Variants in DOCK9 observed in about 807,000 individuals in gnomAD.
The protein encoded by DOCK9 is dedicator of cytokinesis protein 9.
DOCK9 carries 89 observed loss-of-function variants against 263.3 expected under a neutral mutation model. That is an observed-to-expected ratio of 0.34 (90% CI 0.28 to 0.40). The LOEUF is 0.40. DOCK9 is among the 10% of genes least tolerant of loss of function. The pLI, the probability that DOCK9 is intolerant of heterozygous loss-of-function variation, is 1.00. For missense variants in DOCK9, 2,140 were observed against 2,603.4 expected (o/e 0.82, Z 3.87); for synonymous variants, 976 against 973.1 (o/e 1.00, Z -0.06).
At chr13:98,983,066 C>G (rs1325208016) in intron 1 of DOCK9, among the ~76,000 whole-genome samples, 1 of 152,156 alleles carries the variant, frequency 6.6e-6, no homozygotes, top group Non-Finnish European at 1.5e-5. Flanking sequence ...AAGTTATTTA[C>G]TGTCTTTATT....
rs546326243 is a variant in DOCK9 at position 98,983,626 on chromosome 13, T to G, written c.130-28075A>C. Among the ~76,000 whole-genome samples the G allele has an allele frequency of 8.3e-4, 126 of 151,596 alleles. 1 individual carries two copies. The East Asian group carries it at 0.022, about 27-fold the overall frequency. ...CTCCTCAATTATTATTATTATTATTTTTTTTTTTGAGATGGAGTCTCACTC... is the reference window on the plus strand; with the variant it reads ...CTCCTCAATTATTATTATTATTATTGTTTTTTTTGAGATGGAGTCTCACTC... On this transcript the variant is annotated intron_variant, in intron 1 of 32. Transcript: ENST00000427887.
intron 1 of DOCK9, among the ~76,000 whole-genome samples, chr13:99,039,286 G>T: frequency 6.6e-6 from 1 of 151,868 alleles, no homozygotes; most frequent in Non-Finnish European, 1.5e-5. Flanking sequence ...TGGCATTCCA[G>T]CTCACAAAAT....
At chr13:98,990,476 G>A (rs1039494881) in intron 1 of DOCK9, among the ~76,000 whole-genome samples, 1 of 152,142 alleles carries the variant, frequency 6.6e-6, no homozygotes, top group East Asian at 1.9e-4. Context: ...TAAATAACAC[G>A]TTCCCCAACA....
intron 3 of DOCK9, among the ~76,000 whole-genome samples, chr13:98,927,036 TGCCAGGCTCTACAATAA>T (rs1436982947): frequency 2.0e-5 from 3 of 152,254 alleles, no homozygotes; most frequent in Non-Finnish European, 4.4e-5. Context: ...GCTTATTTTG[TGCCAGGCTCTACAATAA>T]GCACTTTACT....
chr13:98,991,078 C>CT (rs35085681), intron 1 of DOCK9, among the ~76,000 whole-genome samples: 74,638 of 148,194 alleles, frequency 0.5, 18,741 homozygotes, highest in East Asian at 0.64. Flanking sequence ...CAAGTAATTT[C>CT]TTTTTTTTTT....
chr13:99,041,123 TGG>T (rs1888414728), intron 1 of DOCK9, among the ~76,000 whole-genome samples: 1 of 152,072 alleles, frequency 6.6e-6, no homozygotes, highest in Non-Finnish European at 1.5e-5. Context: ...AGCAGGACAG[TGG>T]GTAGAAATAA....
chr13:98,827,002 C>G (rs2092569974), intron 43 of DOCK9, 115 bp from the exon 44 acceptor site: 6 of 677,106 alleles, frequency 8.9e-6, no homozygotes, highest in Non-Finnish European at 1.4e-5. Flanking sequence ...CTCAATGCAC[C>G]AGCTAGTATT....
chr13:98,835,733 C>CTTTT (rs142745340), intron 39 of DOCK9, among the ~76,000 whole-genome samples: 2 of 79,408 alleles, frequency 2.5e-5, no homozygotes, highest in South Asian at 5.5e-4. Context: ...CTTTACAACT[C>CTTTT]TTTTTTTTTT....
intron 13 of DOCK9, among the ~76,000 whole-genome samples, chr13:98,898,974 G>A (rs556505250): frequency 2.8e-4 from 42 of 151,546 alleles, no homozygotes; most frequent in Non-Finnish European, 5.7e-4. Context: ...AAATTTGTCT[G>A]TACTGTGATA....
At chr13:99,077,019 G>A (rs1203593867) in intron 1 of DOCK9, among the ~76,000 whole-genome samples, 1 of 152,140 alleles carries the variant, frequency 6.6e-6, no homozygotes, top group Admixed American at 6.5e-5. Flanking sequence ...ATTATTCCAG[G>A]CAGAAGTGAG....
rs781200040 is a variant in DOCK9, at chr13:98,794,768, C to T, written c.6157-20G>A. On this transcript the variant is annotated intron_variant, in intron 52 of 52. Transcript: ENST00000682017. Reference sequence around the variant, plus strand: ...GCAGATCTTGAGGACAGAAACACAACGTTACTGAGGGCAACACAAGGTTAC... The same window carrying T: ...GCAGATCTTGAGGACAGAAACACAATGTTACTGAGGGCAACACAAGGTTAC... 14 of 1,613,240 alleles carry T rather than the reference C, an allele frequency of 8.7e-6. No individual in the cohort carries two copies. Among genetic ancestry groups the T allele is most frequent in the African/African-American group, 2.7e-5 (2 of 74,894 alleles).
At chr13:99,039,296 T>C (rs1224256076) in intron 1 of DOCK9, among the ~76,000 whole-genome samples, 2 of 151,884 alleles carry the variant, frequency 1.3e-5, no homozygotes, top group Admixed American at 6.6e-5. Flanking sequence ...GCTCACAAAA[T>C]AAAACCTATA....
Position 98,863,464 on chromosome 13 carries a change from G to T in DOCK9, c.3371C>A (p.Ala1124Asp). The T allele has an allele frequency of 1.8e-5, 29 of 1,613,942 alleles. No homozygotes were observed. Among genetic ancestry groups the T allele is most frequent in the Non-Finnish European group, 2.5e-5 (29 of 1,179,862 alleles). Residue 1124 changes from alanine to aspartate, a missense_variant, in exon 31 of 53, where the codon GCC (alanine) becomes GAC (aspartate). Physicochemically the swap from Ala to Asp is moderately radical, Grantham distance 126. Coordinates refer to ENST00000682017, the MANE Select transcript of DOCK9 (RefSeq NM_001366683.2). The stretch of plus-strand genomic sequence containing the variant: ...ACGGACCTCCCGGAACTCCTGGAGG[G>T]CTGTCCCCACCTCCCTCAGTAACAG... ...VGLLLREVGT[A>D]LQEFREVRLI...
At chr13:98,985,346 T>C (rs1878207453) in intron 1 of DOCK9, among the ~76,000 whole-genome samples, 1 of 151,600 alleles carries the variant, frequency 6.6e-6, no homozygotes, top group Admixed American at 6.6e-5. Context: ...CCATAGGCTC[T>C]ATCACCATCT....
chr13:98,901,669 A>G (rs2048296639), intron 13 of DOCK9, 109 bp downstream of exon 13: 7 of 1,255,086 alleles, frequency 5.6e-6, no homozygotes, highest in Non-Finnish European at 7.5e-6. Flanking sequence ...TACATCTTTT[A>G]GAGTATAAAT....
chr13:99,080,720 T>A (rs2042090723), intron 1 of DOCK9, among the ~76,000 whole-genome samples: 1 of 152,222 alleles, frequency 6.6e-6, no homozygotes, highest in African/African-American at 2.4e-5. Context: ...CCGAATACAC[T>A]GGTTCTGTGC....
At chr13:98,997,724 T>C (rs1356324918) in intron 1 of DOCK9, among the ~76,000 whole-genome samples, 2 of 152,250 alleles carry the variant, frequency 1.3e-5, no homozygotes, top group African/African-American at 4.8e-5. Context: ...GGCTTGCAAT[T>C]CCAGCCCTGG....
intron 7 of DOCK9, among the ~76,000 whole-genome samples, chr13:98,920,715 G>A (rs1227795286): frequency 2.6e-5 from 4 of 152,228 alleles, no homozygotes; most frequent in South Asian, 2.1e-4. Context: ...TAAAGGTCAC[G>A]CAGCTATAAA....
At chr13:98,972,786 G>A (rs1221721064) in intron 1 of DOCK9, among the ~76,000 whole-genome samples, 1 of 152,204 alleles carries the variant, frequency 6.6e-6, no homozygotes, top group Admixed American at 6.5e-5. Context: ...GGACAGGGCG[G>A]CATTAACACT....
Sources: gnomAD v4.1 joint callset for allele counts (sites outside exome capture counted in the v4.1 genomes callset) on GRCh38, gnomAD v4.1.1 for gene constraint, MANE v1.5 for transcripts, NCBI Gene and HGNC (gene_info 2026-07-23, HGNC 2026-07-21) for gene names.